The following NUP98 variants were observed in gnomAD, a reference collection of about 807,000 sequenced individuals.
NUP98 encodes nucleoporin 98 and 96 precursor.
Under a neutral mutation model 191.9 loss-of-function variants are expected in NUP98, and 26 were observed. The observed-to-expected ratio is 0.14, with a 90% CI of 0.10 to 0.19. The LOEUF (loss-of-function observed/expected upper bound fraction) is 0.19. Among genes scored for constraint, NUP98 ranks in the 10% least tolerant of loss-of-function variants. The pLI, the probability that NUP98 is intolerant of heterozygous loss-of-function variation, is 1.00. For missense variants in NUP98, 1,941 were observed against 2,178.8 expected, an observed-to-expected ratio of 0.89 and a Z score of 2.17; for synonymous variants, 808 against 778.4, an observed-to-expected ratio of 1.04 and a Z score of -0.63.
At chr11:3,709,213 T>C (rs761888028) in intron 20 of NUP98, among the ~76,000 whole-genome samples, 1 of 152,284 alleles carries the variant, frequency 6.6e-6, no homozygotes, top group South Asian at 2.1e-4. Context: ...ACTACTATTA[T>C]TGCCTGTCTC....
In NUP98 at chr11:3,797,490, C is replaced by T. The variant is rs1590024744; in HGVS notation, c.-119G>A. 2 of 433,270 alleles carry T rather than the reference C, an allele frequency of 4.6e-6. No homozygotes were observed. The highest frequency in any genetic ancestry group is 3.6e-5 in the East Asian group (1 of 28,134). The allele number at this position is 433,270 out of a possible 1,614,324, so 26.8% of individuals were successfully genotyped here. On this transcript the variant is annotated 5_prime_UTR_variant, in exon 1 of 33. Transcript: ENST00000324932. Reference sequence around the variant, plus strand: ...CGCGCGGCCCCCACGAAACCGTCGCCGCCGCCGCTACCACCCCTGCCACCG... The same window carrying T: ...CGCGCGGCCCCCACGAAACCGTCGCTGCCGCCGCTACCACCCCTGCCACCG...
intron 28 of NUP98, among the ~76,000 whole-genome samples, chr11:3,689,538 A>C (rs868130099): frequency 8.5e-5 from 13 of 152,178 alleles, no homozygotes; most frequent in Non-Finnish European, 1.3e-4. Flanking sequence ...CAAAAAAAAA[A>C]CCAAAAAACA....
At chr11:3,699,385 A>T in intron 24 of NUP98, 37 bp from the exon 25 acceptor site, 1 of 1,607,150 alleles carries the variant, frequency 6.2e-7, no homozygotes, top group Middle Eastern at 1.7e-4. Context: ...TACGAGACAA[A>T]GTCTTACAAC....
chr11:3,701,108 GGC>G (rs1253140556), intron 23 of NUP98, among the ~76,000 whole-genome samples: 51 of 152,198 alleles, frequency 3.4e-4, no homozygotes, highest in African/African-American at 1.2e-3. Context: ...ATTTAGAACT[GGC>G]TAAAACTCAA....
chr11:3,730,389 C>T (rs2079797885), intron 14 of NUP98, among the ~76,000 whole-genome samples: 1 of 151,542 alleles, frequency 6.6e-6, no homozygotes, highest in African/African-American at 2.4e-5. Flanking sequence ...CCGAGTCTCA[C>T]TCTGTCACCC....
chr11:3,692,951 A>G, intron 27 of NUP98: 1 of 299,516 alleles, frequency 3.3e-6, no homozygotes, highest in East Asian at 5.9e-5. Context: ...AGATAAACCA[A>G]ATCTGAGGTC....
intron 26 of NUP98, among the ~76,000 whole-genome samples, chr11:3,693,978 C>T (rs2078408310): frequency 6.6e-6 from 1 of 152,064 alleles, no homozygotes; most frequent in South Asian, 2.1e-4. Flanking sequence ...CACCTGTAAT[C>T]CCAGCACTTT....
At position 3,683,421 on chromosome 11, in the gene NUP98, C is replaced by A. The variant is rs761013524; in HGVS notation, c.4697G>T (p.Arg1566Leu). The stretch of plus-strand genomic sequence containing the variant: ...CTGGCAGTGCCGGGTAAGCAGCTCT[C>A]GAACAGCCTTCTCACGTATGCTACA... ...DNSGIREKAV[R>L]ELLTRHCQLL... is the part of the protein sequence containing the mutation. Residue 1566 changes from arginine to leucine, a missense_variant, in exon 30 of 33, where the codon CGA (arginine) becomes CTA (leucine). This residue lies in a region of NUP98 where 1,030 missense variants were observed against 1,115.8 expected (regional missense o/e 0.92). Coordinates refer to ENST00000324932, the MANE Select transcript of NUP98 (RefSeq NM_016320.5). 2 of 1,614,118 alleles carry A rather than the reference C, an allele frequency of 1.2e-6. No individual in the cohort carries two copies. The highest frequency in any genetic ancestry group is 1.1e-5 in the South Asian group (1 of 91,072).
rs75053644 is a variant in NUP98, at chr11:3,757,838, G to A, written c.1174+2701C>T. 9.5e-3 allele frequency among the ~76,000 whole-genome samples: 1,443 copies of A among 152,122 alleles called. 23 individuals carry two copies. Among genetic ancestry groups the A allele is most frequent in the African/African-American group, 0.033 (1,387 of 41,510 alleles). ...AGAAATAATATTTAATTTTGAACAT[G>A]AAGCATGCTACAAAAAAAAGAGCTT... On this transcript the variant is annotated intron_variant, in intron 10 of 32. Coordinates refer to ENST00000324932, the MANE Select transcript of NUP98 (RefSeq NM_016320.5).
intron 15 of NUP98, among the ~76,000 whole-genome samples, chr11:3,724,627 T>C (rs1006865008): frequency 5.3e-5 from 8 of 151,108 alleles, no homozygotes; most frequent in African/African-American, 1.9e-4. Flanking sequence ...ACGCCGTCTC[T>C]ACTAAAAATA....
At chr11:3,767,121 C>A (rs1020167083) in intron 8 of NUP98, among the ~76,000 whole-genome samples, 1 of 152,032 alleles carries the variant, frequency 6.6e-6, no homozygotes, top group African/African-American at 2.4e-5. Context: ...CGCCACCCAG[C>A]CCAGCTAATT....
intron 28 of NUP98, among the ~76,000 whole-genome samples, chr11:3,688,041 A>C (rs2078182201): frequency 6.6e-6 from 1 of 152,102 alleles, no homozygotes; most frequent in South Asian, 2.1e-4. Flanking sequence ...AGTTCTGGAG[A>C]GGGTGGTGAT....
At chr11:3,786,111 G>A (rs923304738) in intron 1 of NUP98, among the ~76,000 whole-genome samples, 1 of 152,302 alleles carries the variant, frequency 6.6e-6, no homozygotes, top group Admixed American at 6.5e-5. Flanking sequence ...AAGAAATTAA[G>A]GCACAAGAAT....
intron 13 of NUP98, among the ~76,000 whole-genome samples, chr11:3,733,134 A>C (rs1029157391): frequency 5.3e-5 from 8 of 152,186 alleles, no homozygotes; most frequent in African/African-American, 1.7e-4. Context: ...AACCATCACC[A>C]CTATCTGATT....
At chr11:3,776,288 A>AT (rs1023162185) in intron 4 of NUP98, among the ~76,000 whole-genome samples, 12 of 149,050 alleles carry the variant, frequency 8.1e-5, no homozygotes, top group Admixed American at 5.4e-4. Flanking sequence ...CACCCAGCTA[A>AT]TTTTTTTTTT....
rs1043034684 is a variant in NUP98 at position 3,772,994 on chromosome 11, A to C, written c.603+638T>G. On this transcript the variant is annotated intron_variant, in intron 6 of 32. Transcript: ENST00000324932. ...GCTGTCTCAAAAACAAACAAACAAA[A>C]AAAACAAAAAAAAACCAACTTTTAT... Among the ~76,000 whole-genome samples, 5 of 152,004 alleles carry C rather than the reference A, an allele frequency of 3.3e-5. 1 individual carries two copies. In the South Asian group the frequency reaches 6.2e-4, roughly 19 times the overall value.
At chr11:3,773,225 G>C (rs193255970) in intron 6 of NUP98, among the ~76,000 whole-genome samples, 7 of 152,074 alleles carry the variant, frequency 4.6e-5, no homozygotes, top group Admixed American at 1.3e-4. Flanking sequence ...AACATAGTGA[G>C]ACCTCACCTC....
intron 18 of NUP98, among the ~76,000 whole-genome samples, chr11:3,714,343 C>A (rs61879798): frequency 0.051 from 7,702 of 152,156 alleles, 253 homozygotes; most frequent in Middle Eastern, 0.099. Context: ...TAAAGGGCTA[C>A]CGTACTAAAT....
chr11:3,766,622 G>C (rs2081347712), intron 8 of NUP98, among the ~76,000 whole-genome samples: 1 of 149,592 alleles, frequency 6.7e-6, no homozygotes, highest in South Asian at 2.1e-4. Flanking sequence ...CCAGGAGGCA[G>C]AGGCTGCAGT....
Sources: allele counts gnomAD v4.1 joint callset (sites outside exome capture counted in the v4.1 genomes callset), GRCh38; gene constraint gnomAD v4.1.1; regional missense constraint gnomAD v4.1.1; transcripts MANE v1.5; gene names NCBI Gene and HGNC (gene_info 2026-07-23, HGNC 2026-07-21).